Variants in HTT observed in about 807,000 individuals in gnomAD.
HTT encodes the protein huntingtin, also known as huntington disease protein.
A neutral mutation model predicts 362.3 loss-of-function variants in HTT; 104 were observed. The ratio of observed to expected loss-of-function variants is 0.29; its 90% CI spans 0.24 to 0.34. The LOEUF is 0.34. Among genes scored for constraint, HTT ranks in the 10% least tolerant of loss-of-function variants. The probability of loss-of-function intolerance (pLI) is 1.00; values close to 1 mark genes in which losing one functional copy is unlikely to be tolerated. For synonymous variants in HTT, 1,577 were observed against 1,548.7 expected, an observed-to-expected ratio of 1.02 and a Z score of -0.43; for missense variants, 3,301 against 3,928.6, an observed-to-expected ratio of 0.84 and a Z score of 4.27.
Position 3,074,847 on chromosome 4 carries a change from A to C in HTT, c.22A>C (p.Met8Leu), listed in dbSNP as rs754144476. The change falls in exon 1 of 67, where the codon ATG (methionine) becomes CTG (leucine). Residue 8 changes from methionine to leucine, a missense_variant. Transcript: ENST00000355072. MATLEKL[M>L]KAFESLKSFQ... ...CGCCATGGCGACCCTGGAAAAGCTG[A>C]TGAAGGCCTTCGAGTCCCTCAAGTC... The C allele has an allele frequency of 1.3e-6, 2 of 1,500,322 alleles. No homozygotes were observed. The highest frequency in any genetic ancestry group is 1.4e-5 in the African/African-American group (1 of 69,534). 92.9% of individuals were successfully genotyped at this position (1,500,322 alleles called of 1,614,324 possible).
rs907971870 is a variant in HTT at position 3,233,065 on chromosome 4, A to G, written c.8266-98A>G. ...GCCTGCTGTGTAGTCTCTTCTGCAC[A>G]CAAGCGTGAGGGCAGCGCCCCCGCC... On this transcript the variant is annotated intron_variant, in intron 60 of 66. Transcript: ENST00000355072. 4.1e-6 allele frequency: 4 copies of G among 982,628 alleles called. No homozygotes were observed. The African/African-American group carries it at 4.8e-5, about 12-fold the overall frequency. The allele number at this position is 982,628 out of a possible 1,614,324, so 60.9% of individuals were successfully genotyped here. A position where few individuals can be genotyped will look rare whatever the true frequency, so the allele number is the denominator to read the frequency against.
Position 3,151,409 on chromosome 4 carries a change from G to C in HTT, c.3499-2884G>C, listed in dbSNP as rs868015203. On this transcript the variant is annotated intron_variant, in intron 26 of 66. Coordinates refer to ENST00000355072, the MANE Select transcript of HTT (RefSeq NM_001388492.1). ...AAAAGAAAGATTGAGAGGGAGAGAGGAGGGAGAAAGGAGAGTGCCTGTAGG... is the reference window on the plus strand; with the variant it reads ...AAAAGAAAGATTGAGAGGGAGAGAGCAGGGAGAAAGGAGAGTGCCTGTAGG... 7.2e-5 allele frequency among the ~76,000 whole-genome samples: 11 copies of C among 152,042 alleles called. 1 individual carries two copies. The highest frequency in any genetic ancestry group is 4.2e-4 in the South Asian group (2 of 4,808).
chr4:3,204,997 T>A (rs192899065), intron 42 of HTT, among the ~76,000 whole-genome samples: 7 of 152,294 alleles, frequency 4.6e-5, no homozygotes, highest in Admixed American at 2.0e-4. Context: ...ATAATTTTTT[T>A]AAGTTAATTT....
chr4:3,077,980 C>G (rs1362017556), intron 1 of HTT, among the ~76,000 whole-genome samples: 2 of 152,190 alleles, frequency 1.3e-5, no homozygotes, highest in Non-Finnish European at 2.9e-5. Context: ...AGTATCTGTT[C>G]TGTTTTTATG....
At chr4:3,145,775 C>T (rs189377058) in intron 24 of HTT, among the ~76,000 whole-genome samples, 1 of 152,326 alleles carries the variant, frequency 6.6e-6, no homozygotes, top group Non-Finnish European at 1.5e-5. Context: ...ACTCACATCA[C>T]ATTTGAGAAG....
chr4:3,225,810 A>C, intron 57 of HTT, 67 bp downstream of exon 57: 1 of 1,163,758 alleles, frequency 8.6e-7, no homozygotes. Context: ...CGCTTGACAC[A>C]CCCAGGAGAA....
intron 6 of HTT, among the ~76,000 whole-genome samples, chr4:3,110,363 TC>T (rs1422299023): frequency 2.0e-5 from 3 of 152,208 alleles, no homozygotes; most frequent in East Asian, 1.9e-4. Context: ...AATCAGTTTT[TC>T]CCCAGTGTGG....
chr4:3,237,009 T>C (rs1721568798), intron 64 of HTT, among the ~76,000 whole-genome samples: 1 of 152,150 alleles, frequency 6.6e-6, no homozygotes. Flanking sequence ...CTTGCTCCAC[T>C]GTTTGACCAG....
intron 44 of HTT, 72 bp downstream of exon 44, chr4:3,207,055 C>G: frequency 7.1e-7 from 1 of 1,414,654 alleles, no homozygotes. Flanking sequence ...AGGTGGCTGG[C>G]TTTTTCCTCC....
chr4:3,080,117 G>A (rs1296471219), intron 1 of HTT, among the ~76,000 whole-genome samples: 1 of 135,340 alleles, frequency 7.4e-6, no homozygotes, highest in Non-Finnish European at 1.6e-5. Context: ...TTTTTGAAAC[G>A]GAGTTTCGCT....
At chr4:3,152,335 T>C (rs1040059958) in intron 26 of HTT, among the ~76,000 whole-genome samples, 1 of 152,162 alleles carries the variant, frequency 6.6e-6, no homozygotes, top group African/African-American at 2.4e-5. Context: ...TGTGACCTCG[T>C]GATTAGCCCG....
chr4:3,168,513 C>T (rs6856403), intron 29 of HTT, among the ~76,000 whole-genome samples: 5,726 of 152,264 alleles, frequency 0.038, 311 homozygotes, highest in African/African-American at 0.12. Context: ...ATTCCACATT[C>T]TTGACAGGTA....
chr4:3,140,421 T>G, intron 21 of HTT, 89 bp from the exon 22 acceptor site: 1 of 1,144,464 alleles, frequency 8.7e-7, no homozygotes, highest in Non-Finnish European at 1.3e-6. Flanking sequence ...CCAGAGGTGT[T>G]GGCTTAGCCA....
chr4:3,180,345 G>C (rs968231889), intron 35 of HTT, among the ~76,000 whole-genome samples, 170 bp from the exon 36 acceptor site: 1 of 152,076 alleles, frequency 6.6e-6, no homozygotes, highest in East Asian at 1.9e-4. Context: ...GAAGAGCTTT[G>C]ACCTTCCACA....
Position 3,236,106 on chromosome 4 carries a change from G to C in HTT, c.8786-43G>C, listed in dbSNP as rs374853796. The stretch of plus-strand genomic sequence containing the variant: ...AAAGCACTGTCTACAGAGCCTATTG[G>C]GTTGTATAGAGGTAACCTTCGTACT... On this transcript the variant is annotated intron_variant, in intron 63 of 66. Coordinates refer to ENST00000355072, the MANE Select transcript of HTT (RefSeq NM_001388492.1). The C allele has an allele frequency of 2.5e-5, 34 of 1,364,362 alleles. No homozygotes were observed. In the African/African-American group the frequency reaches 3.7e-4, roughly 15 times the overall value. 84.5% of individuals were successfully genotyped at this position (1,364,362 alleles called of 1,614,324 possible).
chr4:3,168,151 C>T lies in HTT; in HGVS notation c.3865-4169C>T, dbSNP rs562076611. Among the ~76,000 whole-genome samples, 4 of 152,364 alleles carry T rather than the reference C, an allele frequency of 2.6e-5. No individual in the cohort carries two copies. The South Asian group carries it at 8.3e-4, about 32-fold the overall frequency. ...GCATGGCAAGGTTTCAGATCTCTTT[C>T]TGCCACACAGCAGTTCTGAGGCAGC... On this transcript the variant is annotated intron_variant, in intron 29 of 66. Coordinates refer to ENST00000355072, the MANE Select transcript of HTT (RefSeq NM_001388492.1).
Position 3,186,603 on chromosome 4 carries a change from A to C in HTT, c.4873A>C (p.Ile1625Leu), listed in dbSNP as rs761162561. 5.0e-6 allele frequency: 8 copies of C among 1,613,182 alleles called. No individual in the cohort carries two copies. The highest frequency in any genetic ancestry group is 1.7e-6 in the Non-Finnish European group (2 of 1,179,328). The change falls in exon 38 of 67, where the codon ATT (isoleucine) becomes CTT (leucine). Residue 1625 changes from isoleucine to leucine, a missense_variant. Physicochemically the swap from Ile to Leu is conservative, Grantham distance 5. This residue lies in a region of HTT where 2,316 missense variants were observed against 2,658.5 expected (regional missense o/e 0.87). Coordinates refer to ENST00000355072, the MANE Select transcript of HTT (RefSeq NM_001388492.1). ...GTGGTGTCTAATTCCACAGATGCACATTGACTCTCATGAAGCCCTTGGAGT... is the reference window on the plus strand; with the variant it reads ...GTGGTGTCTAATTCCACAGATGCACCTTGACTCTCATGAAGCCCTTGGAGT... ...LPMLAKQQMH[I>L]DSHEALGVLN...
intron 42 of HTT, among the ~76,000 whole-genome samples, chr4:3,205,303 C>T (rs1034064711): frequency 3.3e-5 from 5 of 152,024 alleles, no homozygotes; most frequent in African/African-American, 9.7e-5. Flanking sequence ...AACATGGTAT[C>T]TTATAGATAC....
At chr4:3,166,909 C>T (rs1470682316) in intron 29 of HTT, among the ~76,000 whole-genome samples, 3 of 152,248 alleles carry the variant, frequency 2.0e-5, no homozygotes, top group African/African-American at 7.2e-5. Context: ...TGAGGCAACA[C>T]CCCGCCCTGC....
Sources: gnomAD v4.1 joint callset for allele counts (sites outside exome capture counted in the v4.1 genomes callset) on GRCh38, gnomAD v4.1.1 for gene constraint, gnomAD v4.1.1 regional missense constraint, MANE v1.5 for transcripts, NCBI Gene and HGNC (gene_info 2026-07-23, HGNC 2026-07-21) for gene names.